EHD3: variants seen among roughly 807,000 people sequenced by gnomAD.
EHD3 encodes EH domain containing 3, also known as EH domain-containing protein 3.
In EHD3, 17 loss-of-function variants were observed where a neutral mutation model predicts 43.0. The ratio of observed to expected loss-of-function variants is 0.40; its 90% CI spans 0.27 to 0.59. EHD3 has a LOEUF of 0.59. Ranked by LOEUF, EHD3 falls within the 20% of genes least tolerant of loss-of-function variation. The pLI, the probability that EHD3 is intolerant of heterozygous loss-of-function variation, is 0.49. For missense variants in EHD3, 594 were observed against 705.6 expected (o/e 0.84, Z 1.79); for synonymous variants, 313 against 289.5 (o/e 1.08, Z -0.82).
intron 2 of EHD3, among the ~76,000 whole-genome samples, chr2:31,246,900 CTTT>C (rs531957552): frequency 7.0e-6 from 1 of 143,646 alleles, no homozygotes. Context: ...CAGTGGTTAC[CTTT>C]TTTTTTTTTT....
chr2:31,267,980 G>C lies in EHD3; in HGVS notation c.*1276G>C, dbSNP rs770396924. 1 of 152,616 alleles carries C rather than the reference G, an allele frequency of 6.6e-6. No homozygotes were observed. The highest frequency in any genetic ancestry group is 2.1e-4 in the South Asian group (1 of 4,830). The allele number at this position is 152,616 out of a possible 1,614,324, so 9.5% of individuals were successfully genotyped here. A position where few individuals can be genotyped will look rare whatever the true frequency, so the allele number is the denominator to read the frequency against. Reference sequence around the variant, plus strand: ...TGGGCTAGCCTGCTGGATGCTGTTCGTGCCTGTCCCTGCTCTGCCTCCCAC... The same window carrying C: ...TGGGCTAGCCTGCTGGATGCTGTTCCTGCCTGTCCCTGCTCTGCCTCCCAC... On this transcript the variant is annotated 3_prime_UTR_variant, in exon 6 of 6. Coordinates refer to ENST00000322054, the MANE Select transcript of EHD3 (RefSeq NM_014600.3).
intron 1 of EHD3, among the ~76,000 whole-genome samples, chr2:31,241,350 C>T (rs1047047536): frequency 6.6e-6 from 1 of 152,122 alleles, no homozygotes; most frequent in Non-Finnish European, 1.5e-5. Context: ...TGGTTAGGAG[C>T]GTGAACTCAA....
chr2:31,260,019 TG>T lies in EHD3; in HGVS notation c.503-489del, dbSNP rs1683820951. Among the ~76,000 whole-genome samples the T allele has an allele frequency of 6.6e-6, 1 of 151,864 alleles. No homozygotes were observed. Among genetic ancestry groups the T allele is most frequent in the South Asian group, 2.2e-4 (1 of 4,560 alleles). On this transcript the variant is annotated intron_variant, in intron 3 of 5. Coordinates refer to ENST00000322054, the MANE Select transcript of EHD3 (RefSeq NM_014600.3). This position sits in a 1 kb window ranked among gnomAD's most constrained non-coding sequence, Gnocchi z 4.6. Reference sequence around the variant, plus strand: ...AGTTCAAGACTCAGCCTGGCTAACATGGTTAAACCTGTCTCTACTAAAAACA... The same window carrying T: ...AGTTCAAGACTCAGCCTGGCTAACATGTTAAACCTGTCTCTACTAAAAACA...
chr2:31,254,625 AT>A (rs1302510285), intron 3 of EHD3, among the ~76,000 whole-genome samples: 1 of 152,092 alleles, frequency 6.6e-6, no homozygotes, highest in Non-Finnish European at 1.5e-5. Context: ...CTTGACGGAG[AT>A]TTTTTTGGGG....
chr2:31,240,126 G>A (rs541341078), intron 1 of EHD3, among the ~76,000 whole-genome samples: 7 of 152,262 alleles, frequency 4.6e-5, no homozygotes, highest in Non-Finnish European at 8.8e-5. Flanking sequence ...CAACTTGGCC[G>A]TGGAGAGTCT....
rs1163447127 is a variant in EHD3, at chr2:31,266,233, G to A, written c.1137G>A (p.Leu379=). 6.2e-7 allele frequency: 1 copy of A among 1,614,152 alleles called. No homozygotes were observed. Among genetic ancestry groups the A allele is most frequent in the South Asian group, 1.1e-5 (1 of 91,084 alleles). ...TCCAGCCGCTGAAGAGCAAGCTGCT[G>A]GAGGTAGTGGACGACATGCTGGCCC... ...SKFQPLKSKL[L]EVVDDMLAHD... Residue 379 remains leucine (L), a synonymous_variant, in exon 6 of 6, where the codon CTG becomes CTA. Transcript: ENST00000322054. The surrounding 1 kb of genome is among the most constrained non-coding windows in gnomAD (Gnocchi z 5.1).
chr2:31,236,461 C>A (rs765645136), intron 1 of EHD3, among the ~76,000 whole-genome samples: 51 of 152,202 alleles, frequency 3.4e-4, no homozygotes, highest in Non-Finnish European at 6.6e-4. Flanking sequence ...AGGGTGGGAA[C>A]CCCTGATCTA....
chr2:31,260,856 G>A lies in EHD3; in HGVS notation c.849G>A (p.Gln283=), dbSNP rs765564503. The change falls in exon 4 of 6, where the codon CAG becomes CAA. Residue 283 remains glutamine (Q), a synonymous_variant. Coordinates refer to ENST00000322054, the MANE Select transcript of EHD3 (RefSeq NM_014600.3). This position sits in a 1 kb window ranked among gnomAD's most constrained non-coding sequence, Gnocchi z 4.6. ...AACAGGACCTATTCAGGGACATCCAGAGTCTGCCCCGAAATGCTGCCCTGC... is the reference window on the plus strand; with the variant it reads ...AACAGGACCTATTCAGGGACATCCAAAGTCTGCCCCGAAATGCTGCCCTGC... ...AEEQDLFRDI[Q]SLPRNAALRK... 1.9e-6 allele frequency: 3 copies of A among 1,614,174 alleles called. No individual in the cohort carries two copies. The highest frequency in any genetic ancestry group is 2.5e-6 in the Non-Finnish European group (3 of 1,180,030).
chr2:31,262,807 C>T (rs542635995), intron 5 of EHD3, among the ~76,000 whole-genome samples: 2 of 152,246 alleles, frequency 1.3e-5, no homozygotes, highest in Non-Finnish European at 2.9e-5. Flanking sequence ...CCCAGCTACT[C>T]GGGAGGCTGA....
intron 3 of EHD3, among the ~76,000 whole-genome samples, chr2:31,257,511 T>C (rs1164657525): frequency 4.6e-5 from 7 of 152,090 alleles, no homozygotes; most frequent in African/African-American, 1.7e-4. Context: ...AGCTGGGTCA[T>C]CTGGCCTCAC....
intron 1 of EHD3, among the ~76,000 whole-genome samples, chr2:31,242,729 CA>C (rs1683445711): frequency 6.6e-6 from 1 of 152,054 alleles, no homozygotes. Flanking sequence ...TAGGCCGAGG[CA>C]GGTGGATCAC....
chr2:31,252,506 C>T (rs1683657330), intron 3 of EHD3, among the ~76,000 whole-genome samples: 1 of 152,176 alleles, frequency 6.6e-6, no homozygotes, highest in Admixed American at 6.5e-5. Context: ...GACGGAGTCT[C>T]GCTCTGTCAC....
At position 31,234,614 on chromosome 2, in the gene EHD3, C is replaced by T. The variant is rs201643158; in HGVS notation, c.-8C>T. On this transcript the variant is annotated 5_prime_UTR_variant, in exon 1 of 6. Coordinates refer to ENST00000322054, the MANE Select transcript of EHD3 (RefSeq NM_014600.3). ...GGGGCTGCGTGCCGGGGGCGAGCGGCGGCCGCGATGTTCAGCTGGCTGGGT... is the reference window on the plus strand; with the variant it reads ...GGGGCTGCGTGCCGGGGGCGAGCGGTGGCCGCGATGTTCAGCTGGCTGGGT... The T allele has an allele frequency of 7.6e-5, 122 of 1,612,882 alleles. No homozygotes were observed. The Middle Eastern group carries it at 8.3e-4, about 11-fold the overall frequency.
chr2:31,259,614 G>T (rs1572471577), intron 3 of EHD3, among the ~76,000 whole-genome samples: 1 of 152,232 alleles, frequency 6.6e-6, no homozygotes, highest in Admixed American at 6.5e-5. Flanking sequence ...GTGGTTTCAA[G>T]AGTTGGGAAT....
rs2148726230 is a variant in EHD3 at position 31,267,894 on chromosome 2, CT to C, written c.*1192del. Reference sequence around the variant, plus strand: ...GTCACGTCACAGAAGCAAACCGTGCCTTCTGGCTCTGCGCCCCATATTCCCA... The same window carrying C: ...GTCACGTCACAGAAGCAAACCGTGCCTCTGGCTCTGCGCCCCATATTCCCA... On this transcript the variant is annotated 3_prime_UTR_variant, in exon 6 of 6. Coordinates refer to ENST00000322054, the MANE Select transcript of EHD3 (RefSeq NM_014600.3). 6.6e-6 allele frequency: 1 copy of C among 152,390 alleles called. No individual in the cohort carries two copies. Among genetic ancestry groups the C allele is most frequent in the East Asian group, 1.9e-4 (1 of 5,192 alleles). The allele number at this position is 152,390 out of a possible 1,614,324, so 9.4% of individuals were successfully genotyped here.
chr2:31,245,553 ATTTT>A (rs1227122252), intron 2 of EHD3, among the ~76,000 whole-genome samples: 29 of 35,044 alleles, frequency 8.3e-4, no homozygotes, highest in African/African-American at 1.7e-3. Flanking sequence ...ATATATATAT[ATTTT>A]TTTTTTTTTT....
intron 5 of EHD3, among the ~76,000 whole-genome samples, chr2:31,261,959 T>TG (rs1170455586): frequency 6.6e-6 from 1 of 152,298 alleles, no homozygotes; most frequent in African/African-American, 2.4e-5. Flanking sequence ...TAGATGATGC[T>TG]GGGGGGCTGA....
At chr2:31,248,598 A>G (rs1487798310) in intron 2 of EHD3, among the ~76,000 whole-genome samples, 1 of 152,112 alleles carries the variant, frequency 6.6e-6, no homozygotes, top group Non-Finnish European at 1.5e-5. Flanking sequence ...GAGCTTCCTC[A>G]AGGCATAGAG....
At chr2:31,244,180 C>G in intron 1 of EHD3, 94 bp from the exon 2 acceptor site, 1 of 1,263,482 alleles carries the variant, frequency 7.9e-7, no homozygotes, top group South Asian at 2.0e-5. Context: ...CCCTGCCCTC[C>G]CCTCTGACTC....
Sources: allele counts gnomAD v4.1 joint callset (sites outside exome capture counted in the v4.1 genomes callset), GRCh38; gene constraint gnomAD v4.1.1; non-coding constraint Gnocchi (gnomAD v3.1); transcripts MANE v1.5; gene names NCBI Gene and HGNC (gene_info 2026-07-23, HGNC 2026-07-21).